The following SMYD3 variants were observed in gnomAD, a reference collection of about 807,000 sequenced individuals.
SMYD3 encodes histone-lysine N-methyltransferase SMYD3.
In SMYD3, 36 loss-of-function variants were observed where a neutral mutation model predicts 57.7. That is an observed-to-expected ratio of 0.62 (90% CI 0.48 to 0.82). The LOEUF is 0.82. Ranked by LOEUF, SMYD3 falls within the 40% of genes least tolerant of loss-of-function variation. SMYD3 has a pLI of 0.00. For synonymous variants in SMYD3, 211 were observed against 195.0 expected, an observed-to-expected ratio of 1.08 and a Z score of -0.68; for missense variants, 515 against 538.8, an observed-to-expected ratio of 0.96 and a Z score of 0.44.
At chr1:245,931,757 G>GA (rs564488011) in intron 5 of SMYD3, among the ~76,000 whole-genome samples, 264 of 152,308 alleles carry the variant, frequency 1.7e-3, no homozygotes, top group Middle Eastern at 0.01. Flanking sequence ...AGGTTTACAT[G>GA]AAAGAACACG....
rs568518714 is a variant in SMYD3 at position 246,201,797 on chromosome 1, GAAGTCAGGAGTTTGAGAC to G, written c.531+125386_531+125403del. Among the ~76,000 whole-genome samples the G allele has an allele frequency of 2.9e-3, 441 of 152,298 alleles. 1 individual carries two copies. The highest frequency in any genetic ancestry group is 5.2e-3 in the Non-Finnish European group (357 of 68,024). ...GGAGGCCGAGGCAAGTGGATCACTT[GAAGTCAGGAGTTTGAGAC>G]CAGCCTGGGCAACTTGGAGAAACCC... On this transcript the variant is annotated intron_variant, in intron 5 of 11. Transcript: ENST00000490107.
intron 1 of SMYD3, among the ~76,000 whole-genome samples, chr1:246,390,929 G>A (rs10924716): frequency 0.073 from 11,146 of 151,936 alleles, 822 homozygotes; most frequent in African/African-American, 0.19. Flanking sequence ...AATATTTAAC[G>A]CAAATGTAAT....
chr1:245,869,825 G>A (rs1373609478), intron 8 of SMYD3, among the ~76,000 whole-genome samples: 3 of 152,058 alleles, frequency 2.0e-5, no homozygotes, highest in Non-Finnish European at 4.4e-5. Flanking sequence ...CTGTTTCCTC[G>A]GCTCACCACT....
At chr1:246,359,059 G>C (rs542527985) in intron 1 of SMYD3, among the ~76,000 whole-genome samples, 22 of 152,228 alleles carry the variant, frequency 1.4e-4, no homozygotes, top group Admixed American at 7.8e-4. Context: ...AAAACTGATA[G>C]ACCATTAGCA....
At chr1:245,958,113 A>T (rs1203428353) in intron 5 of SMYD3, among the ~76,000 whole-genome samples, 1 of 152,114 alleles carries the variant, frequency 6.6e-6, no homozygotes, top group Non-Finnish European at 1.5e-5. Flanking sequence ...TTTTACCACG[A>T]AAGTTGGGAG....
At chr1:246,116,856 C>T (rs1187808043) in intron 5 of SMYD3, among the ~76,000 whole-genome samples, 1 of 152,138 alleles carries the variant, frequency 6.6e-6, no homozygotes, top group Non-Finnish European at 1.5e-5. Flanking sequence ...GGAAAATTTT[C>T]ACAGGCAATA....
At chr1:245,766,878 G>C (rs1453485350) in intron 10 of SMYD3, among the ~76,000 whole-genome samples, 4 of 152,202 alleles carry the variant, frequency 2.6e-5, no homozygotes, top group Non-Finnish European at 5.9e-5. Context: ...ATGAAGTAGA[G>C]CTTACAAAGG....
intron 5 of SMYD3, among the ~76,000 whole-genome samples, chr1:246,092,083 T>C (rs1179903013): frequency 1.3e-5 from 2 of 152,192 alleles, no homozygotes; most frequent in Non-Finnish European, 2.9e-5. Flanking sequence ...ATTCAAATCT[T>C]ACTTTAAGAA....
chr1:246,045,799 C>G (rs1242632489), intron 5 of SMYD3, among the ~76,000 whole-genome samples: 1 of 152,076 alleles, frequency 6.6e-6, no homozygotes, highest in South Asian at 2.1e-4. Context: ...TCAACCCCAT[C>G]AAAAAGTGGG....
intron 5 of SMYD3, among the ~76,000 whole-genome samples, chr1:246,220,751 G>T (rs1201365720): frequency 2.0e-5 from 3 of 152,186 alleles, no homozygotes; most frequent in African/African-American, 7.2e-5. Context: ...GTGGAAACTT[G>T]TGGTGCCTTT....
intron 5 of SMYD3, among the ~76,000 whole-genome samples, chr1:246,277,756 G>C (rs1051663251): frequency 2.8e-4 from 42 of 152,180 alleles, no homozygotes; most frequent in Non-Finnish European, 7.3e-5. Flanking sequence ...TATGCTAAGT[G>C]AAAAGAGTCA....
chr1:246,094,873 A>T (rs1485675846), intron 5 of SMYD3, among the ~76,000 whole-genome samples: 1 of 152,112 alleles, frequency 6.6e-6, no homozygotes, highest in Non-Finnish European at 1.5e-5. Flanking sequence ...CGTATCTCGG[A>T]GCCTCTCTCC....
chr1:245,870,762 G>C (rs2148514978), intron 8 of SMYD3, among the ~76,000 whole-genome samples: 2 of 152,336 alleles, frequency 1.3e-5, no homozygotes, highest in Middle Eastern at 6.8e-3. Context: ...TTCTTCCATA[G>C]GGAAAGTTTG....
At chr1:246,323,193 A>C (rs2065279561) in intron 5 of SMYD3, among the ~76,000 whole-genome samples, 1 of 152,196 alleles carries the variant, frequency 6.6e-6, no homozygotes, top group Non-Finnish European at 1.5e-5. Flanking sequence ...CCAGGCAACA[A>C]ATTCATAAGT....
intron 8 of SMYD3, among the ~76,000 whole-genome samples, chr1:245,884,708 T>C (rs2052983646): frequency 6.6e-6 from 1 of 152,046 alleles, no homozygotes; most frequent in Non-Finnish European, 1.5e-5. Flanking sequence ...CTTTTCTGTC[T>C]AGCTAGAGGA....
chr1:245,832,760 T>TA (rs2049906378), intron 10 of SMYD3, among the ~76,000 whole-genome samples: 1 of 152,220 alleles, frequency 6.6e-6, no homozygotes, highest in Non-Finnish European at 1.5e-5. Context: ...ATCCTTAGAA[T>TA]AAACAACATA....
In SMYD3 at chr1:245,881,811, G is replaced by A. The variant is rs111310261; in HGVS notation, c.814-17925C>T. Among the ~76,000 whole-genome samples the A allele has an allele frequency of 1.6e-3, 248 of 152,292 alleles. 2 individuals are homozygous for A. Among genetic ancestry groups the A allele is most frequent in the African/African-American group, 5.6e-3 (234 of 41,548 alleles). On this transcript the variant is annotated intron_variant, in intron 8 of 11. Coordinates refer to ENST00000490107, the MANE Select transcript of SMYD3 (RefSeq NM_001167740.2). ...CCCAAGGAGGTAAGGTTGAAGCCAC[G>A]AGCTGAAGAATGATGATGAGCTAGG...
At chr1:245,960,242 T>C (rs1447302056) in intron 5 of SMYD3, among the ~76,000 whole-genome samples, 1 of 152,240 alleles carries the variant, frequency 6.6e-6, no homozygotes, top group African/African-American at 2.4e-5. Flanking sequence ...ATCTGTGATA[T>C]GTAATCATTT....
intron 10 of SMYD3, among the ~76,000 whole-genome samples, chr1:245,839,297 G>T (rs968052912): frequency 6.6e-6 from 1 of 152,142 alleles, no homozygotes; most frequent in Non-Finnish European, 1.5e-5. Flanking sequence ...AGCCTCCCAC[G>T]TAGCTGGGAC....
Sources: gnomAD v4.1 joint callset for allele counts (sites outside exome capture counted in the v4.1 genomes callset) on GRCh38, gnomAD v4.1.1 for gene constraint, MANE v1.5 for transcripts, NCBI Gene and HGNC (gene_info 2026-07-23, HGNC 2026-07-21) for gene names.